LDLRAD4: variants seen among roughly 807,000 people sequenced by gnomAD.
The protein encoded by LDLRAD4 is low density lipoprotein receptor class A domain containing 4, also known as low-density lipoprotein receptor class A domain-containing protein 4.
LDLRAD4 carries 5 observed loss-of-function variants against 17.0 expected under a neutral mutation model. That is an observed-to-expected ratio of 0.29 (90% CI 0.15 to 0.62). LDLRAD4 has a LOEUF of 0.62. LDLRAD4 is among the 20% of genes least tolerant of loss of function. The pLI, the probability that LDLRAD4 is intolerant of heterozygous loss-of-function variation, is 0.84. For missense variants in LDLRAD4, 340 were observed against 424.7 expected (o/e 0.80, Z 1.75); for synonymous variants, 168 against 171.8 (o/e 0.98, Z 0.17).
At chr18:13,544,127 G>A (rs957107722) in intron 3 of LDLRAD4, among the ~76,000 whole-genome samples, 3 of 152,230 alleles carry the variant, frequency 2.0e-5, no homozygotes, top group African/African-American at 7.2e-5. Context: ...CTGCTATGAA[G>A]CCACGCTGCT....
chr18:13,490,712 C>T (rs1325782533), intron 3 of LDLRAD4: 1 of 152,174 alleles, frequency 6.6e-6, no homozygotes, highest in East Asian at 1.9e-4. Context: ...GGTTTATAGA[C>T]GTTTCCAGGG....
At chr18:13,544,070 G>T (rs1165852879) in intron 3 of LDLRAD4, among the ~76,000 whole-genome samples, 1 of 152,280 alleles carries the variant, frequency 6.6e-6, no homozygotes, top group Admixed American at 6.5e-5. Context: ...AGCTGAGGCC[G>T]CACTTCTGGG....
chr18:13,502,559 G>A (rs901185279), intron 3 of LDLRAD4, among the ~76,000 whole-genome samples: 5 of 152,104 alleles, frequency 3.3e-5, no homozygotes, highest in African/African-American at 1.2e-4. Context: ...ATTATTTGTC[G>A]ACTCTTTATC....
intron 1 of LDLRAD4, among the ~76,000 whole-genome samples, chr18:13,249,877 T>C (rs146935925): frequency 6.6e-6 from 1 of 152,380 alleles, no homozygotes; most frequent in Non-Finnish European, 1.5e-5. Context: ...TTTTAGAGTT[T>C]AGTGTCTTAC....
At chr18:13,526,171 A>G (rs1053567908) in intron 3 of LDLRAD4, 1 of 152,146 alleles carries the variant, frequency 6.6e-6, no homozygotes. Flanking sequence ...TTCATTTCCC[A>G]TCGCAAGTTA....
At chr18:13,497,643 A>G (rs911103548) in intron 3 of LDLRAD4, among the ~76,000 whole-genome samples, 2 of 152,212 alleles carry the variant, frequency 1.3e-5, no homozygotes, top group Non-Finnish European at 2.9e-5. Flanking sequence ...AGAAGGTGCA[A>G]GTGGCTTTCA....
intron 3 of LDLRAD4, among the ~76,000 whole-genome samples, chr18:13,616,876 A>G (rs8089786): frequency 0.099 from 14,981 of 152,030 alleles, 2,180 homozygotes; most frequent in African/African-American, 0.32. Flanking sequence ...GAGCATGCCC[A>G]TGAACTTGAC....
chr18:13,436,480 T>C (rs974549406), intron 2 of LDLRAD4, among the ~76,000 whole-genome samples: 4 of 152,242 alleles, frequency 2.6e-5, no homozygotes, highest in Non-Finnish European at 4.4e-5. Flanking sequence ...AACTTTTTAG[T>C]TAAGAGTTTG....
chr18:13,432,325 A>G (rs1009342268), intron 2 of LDLRAD4, among the ~76,000 whole-genome samples: 1 of 152,248 alleles, frequency 6.6e-6, no homozygotes, highest in Non-Finnish European at 1.5e-5. Flanking sequence ...AACTTTGTGG[A>G]AACCACTTTA....
chr18:13,409,312 A>T (rs2088096828), intron 2 of LDLRAD4, among the ~76,000 whole-genome samples: 1 of 151,938 alleles, frequency 6.6e-6, no homozygotes, highest in African/African-American at 2.4e-5. Context: ...GAAGGGGGAG[A>T]TGTGTGGGGG....
upstream of LDLRAD4, among the ~76,000 whole-genome samples, chr18:13,277,860 G>C (rs371384139): frequency 6.6e-6 from 1 of 152,156 alleles, no homozygotes; most frequent in Admixed American, 6.5e-5. Context: ...ATGAGGACTC[G>C]GTGCCCCTGT....
intron 3 of LDLRAD4, among the ~76,000 whole-genome samples, chr18:13,562,343 A>G (rs1011550507): frequency 2.6e-5 from 4 of 152,170 alleles, no homozygotes; most frequent in African/African-American, 9.7e-5. Context: ...AGCTCTGCCA[A>G]CCTACATCAG....
chr18:13,376,106 G>A (rs567196478), intron 1 of LDLRAD4, among the ~76,000 whole-genome samples: 4 of 152,098 alleles, frequency 2.6e-5, no homozygotes, highest in African/African-American at 7.2e-5. Context: ...GGGTAGGCAC[G>A]AGGTTGCTGT....
intron 1 of LDLRAD4, among the ~76,000 whole-genome samples, chr18:13,330,338 C>T (rs1309323783): frequency 6.6e-6 from 1 of 152,042 alleles, no homozygotes; most frequent in African/African-American, 2.4e-5. Context: ...GTCTAGTTTT[C>T]AAAAATGTGG....
At chr18:13,400,055 C>T (rs1412493593) in intron 2 of LDLRAD4, among the ~76,000 whole-genome samples, 1 of 152,208 alleles carries the variant, frequency 6.6e-6, no homozygotes, top group Non-Finnish European at 1.5e-5. Context: ...GCAAACATTT[C>T]TGGGCCTGGA....
At chr18:13,582,590 T>A (rs2094878394) in intron 3 of LDLRAD4, among the ~76,000 whole-genome samples, 1 of 152,250 alleles carries the variant, frequency 6.6e-6, no homozygotes, top group Non-Finnish European at 1.5e-5. Context: ...CTGTCCCCAC[T>A]GGGCCCAGGA....
At chr18:13,650,930 A>G (rs911227509) in exon 6 of LDLRAD4, 1 of 152,298 alleles carries the variant, frequency 6.6e-6, no homozygotes, top group African/African-American at 2.4e-5. Flanking sequence ...ATATATAGCA[A>G]TGGAAAGTTG....
At chr18:13,360,731 A>G (rs1429634705) in intron 1 of LDLRAD4, among the ~76,000 whole-genome samples, 4 of 152,254 alleles carry the variant, frequency 2.6e-5, no homozygotes, top group Non-Finnish European at 5.9e-5. Context: ...GATGCAGGGC[A>G]ATTGGCCACC....
chr18:13,532,085 T>G (rs766629397), intron 3 of LDLRAD4, among the ~76,000 whole-genome samples: 1 of 152,072 alleles, frequency 6.6e-6, no homozygotes, highest in Non-Finnish European at 1.5e-5. Context: ...TGCAGGGTGA[T>G]GGGCAGTGAG....
Sources: allele counts gnomAD v4.1 joint callset (sites outside exome capture counted in the v4.1 genomes callset), GRCh38; gene constraint gnomAD v4.1.1; transcripts MANE v1.5; gene names NCBI Gene and HGNC (gene_info 2026-07-23, HGNC 2026-07-21).